Variants in CACNA2D3 observed in about 807,000 individuals in gnomAD.
CACNA2D3 encodes the protein voltage-dependent calcium channel subunit alpha-2/delta-3.
Under a neutral mutation model 160.6 loss-of-function variants are expected in CACNA2D3, and 60 were observed. The observed-to-expected ratio is 0.37, with a 90% confidence interval of 0.30 to 0.46. The LOEUF (loss-of-function observed/expected upper bound fraction) is 0.46, where lower values mean the gene tolerates loss of function less well. Ranked by LOEUF, CACNA2D3 falls within the 20% of genes least tolerant of loss-of-function variation. CACNA2D3 has a pLI of 1.00. For missense variants in CACNA2D3, 1,205 were observed against 1,365.0 expected, an observed-to-expected ratio of 0.88 and a Z score of 1.85; for synonymous variants, 558 against 492.9, an observed-to-expected ratio of 1.13 and a Z score of -1.75.
chr3:54,949,601 G>A (rs984162724), intron 27 of CACNA2D3, among the ~76,000 whole-genome samples: 2 of 152,170 alleles, frequency 1.3e-5, no homozygotes, highest in Non-Finnish European at 2.9e-5. Context: ...TGGAATCAGG[G>A]CACATTATCA....
intron 2 of CACNA2D3, among the ~76,000 whole-genome samples, chr3:54,195,727 T>G (rs2107343072): frequency 6.6e-6 from 1 of 151,900 alleles, no homozygotes; most frequent in Admixed American, 6.6e-5. Context: ...CAGCGTTGGG[T>G]TTTCACAGGT....
At chr3:54,406,937 A>G (rs758691998) in intron 4 of CACNA2D3, among the ~76,000 whole-genome samples, 23 of 152,106 alleles carry the variant, frequency 1.5e-4, no homozygotes, top group Admixed American at 4.6e-4. Flanking sequence ...ATGCAATAAC[A>G]TTTATTTTTT....
chr3:54,221,891 C>T (rs1355084116), intron 2 of CACNA2D3, among the ~76,000 whole-genome samples: 1 of 151,550 alleles, frequency 6.6e-6, no homozygotes, highest in Non-Finnish European at 1.5e-5. Flanking sequence ...TTCTGTCATC[C>T]AGGCTGGAGT....
chr3:54,235,927 C>T (rs1172934916), intron 2 of CACNA2D3, among the ~76,000 whole-genome samples: 1 of 152,112 alleles, frequency 6.6e-6, no homozygotes, highest in African/African-American at 2.4e-5. Context: ...AGTGGAGAAA[C>T]GTGACAGCCA....
At chr3:54,856,137 G>C (rs771333952) in intron 17 of CACNA2D3, among the ~76,000 whole-genome samples, 10 of 152,186 alleles carry the variant, frequency 6.6e-5, no homozygotes, top group Non-Finnish European at 1.2e-4. Flanking sequence ...GCCTGGTGAG[G>C]TACTTGGCAA....
rs145051488 is a variant in CACNA2D3 at position 54,697,545 on chromosome 3, A to G, written c.1168-55054A>G. ...ATGGAATCCTCACTCCCAAGAATACATGTTCACTGCCCTTTCTCCACCTCT... is the reference window on the plus strand; with the variant it reads ...ATGGAATCCTCACTCCCAAGAATACGTGTTCACTGCCCTTTCTCCACCTCT... On this transcript the variant is annotated intron_variant, in intron 11 of 37. Transcript: ENST00000474759. Among the ~76,000 whole-genome samples the G allele has an allele frequency of 7.8e-3, 1,185 of 152,202 alleles. 19 individuals carry two copies. Among genetic ancestry groups the G allele is most frequent in the African/African-American group, 0.026 (1,100 of 41,528 alleles).
At chr3:54,141,645 G>A (rs1699937539) in intron 2 of CACNA2D3, among the ~76,000 whole-genome samples, 1 of 152,154 alleles carries the variant, frequency 6.6e-6, no homozygotes, top group South Asian at 2.1e-4. Context: ...TTAATACTAT[G>A]CTTCTTGTGT....
At chr3:54,968,580 C>T in intron 28 of CACNA2D3, 69 bp downstream of exon 28, 1 of 1,170,750 alleles carries the variant, frequency 8.5e-7, no homozygotes, top group Non-Finnish European at 1.2e-6. Flanking sequence ...ATTTGGGTAC[C>T]TGGAGCCTGA....
At chr3:54,793,035 T>C (rs1432825516) in intron 13 of CACNA2D3, among the ~76,000 whole-genome samples, 1 of 152,150 alleles carries the variant, frequency 6.6e-6, no homozygotes, top group Non-Finnish European at 1.5e-5. Flanking sequence ...TCTACATCCA[T>C]GGAGATTTTG....
At chr3:54,198,280 T>C (rs747777552) in intron 2 of CACNA2D3, among the ~76,000 whole-genome samples, 2 of 152,226 alleles carry the variant, frequency 1.3e-5, no homozygotes, top group African/African-American at 2.4e-5. Context: ...GAACCCGCCA[T>C]TGCCTGCAAG....
intron 2 of CACNA2D3, among the ~76,000 whole-genome samples, chr3:54,254,520 G>A (rs1392188298): frequency 1.3e-5 from 2 of 152,186 alleles, no homozygotes; most frequent in Non-Finnish European, 2.9e-5. Flanking sequence ...CTGTATTGAT[G>A]GGTGAAGATA....
intron 29 of CACNA2D3, among the ~76,000 whole-genome samples, chr3:54,984,054 G>A (rs2107101423): frequency 6.6e-6 from 1 of 152,242 alleles, no homozygotes; most frequent in East Asian, 1.9e-4. Flanking sequence ...AAACCTTTAG[G>A]AGGCCTGAGG....
rs1401011418 is a variant in CACNA2D3, at chr3:54,984,597, T to A, written c.2557-11T>A. ...TGTTTTTTTGTTTTTGTTTTTTTTT[T>A]AATTTTCTAGACTGTGAATTGTTAC... On this transcript the variant is annotated splice_polypyrimidine_tract_variant and intron_variant, in intron 29 of 37. Coordinates refer to ENST00000474759, the MANE Select transcript of CACNA2D3 (RefSeq NM_018398.3). 19 of 1,504,634 alleles carry A rather than the reference T, an allele frequency of 1.3e-5. No homozygotes were observed. The highest frequency in any genetic ancestry group is 5.0e-5 in the South Asian group (4 of 80,516). The allele number at this position is 1,504,634 out of a possible 1,614,324, so 93.2% of individuals were successfully genotyped here.
At chr3:54,919,232 A>C (rs1373762003) in intron 27 of CACNA2D3, among the ~76,000 whole-genome samples, 2 of 152,242 alleles carry the variant, frequency 1.3e-5, no homozygotes, top group Non-Finnish European at 2.9e-5. Flanking sequence ...TGCCCACTGC[A>C]TTCGTGCCAC....
chr3:54,452,637 A>G (rs1384875663), intron 4 of CACNA2D3, among the ~76,000 whole-genome samples: 2 of 152,200 alleles, frequency 1.3e-5, no homozygotes, highest in Non-Finnish European at 2.9e-5. Context: ...TTGTCACAGC[A>G]GCACTTCACT....
intron 11 of CACNA2D3, among the ~76,000 whole-genome samples, chr3:54,736,031 A>ATATG (rs1349874196): frequency 1.3e-4 from 8 of 61,706 alleles, no homozygotes; most frequent in East Asian, 3.2e-4. Context: ...ATACATATAT[A>ATATG]TATGTATATA....
At chr3:54,179,997 C>T (rs1700751947) in intron 2 of CACNA2D3, among the ~76,000 whole-genome samples, 1 of 151,168 alleles carries the variant, frequency 6.6e-6, no homozygotes, top group Admixed American at 6.6e-5. Flanking sequence ...ATTTCTTAGC[C>T]TTAATTTCTG....
intron 5 of CACNA2D3, among the ~76,000 whole-genome samples, chr3:54,509,666 A>G (rs1259792308): frequency 1.3e-5 from 2 of 152,024 alleles, no homozygotes; most frequent in African/African-American, 4.8e-5. Context: ...GATTCCAGGA[A>G]CCCCTATTCC....
At chr3:54,362,706 G>A (rs1698763283) in intron 3 of CACNA2D3, among the ~76,000 whole-genome samples, 1 of 152,190 alleles carries the variant, frequency 6.6e-6, no homozygotes, top group Non-Finnish European at 1.5e-5. Flanking sequence ...CAGGCATGGT[G>A]CACTCCCATT....
Sources: allele counts gnomAD v4.1 joint callset (sites outside exome capture counted in the v4.1 genomes callset), GRCh38; gene constraint gnomAD v4.1.1; transcripts MANE v1.5; gene names NCBI Gene and HGNC (gene_info 2026-07-23, HGNC 2026-07-21).